ACLY: variants seen among roughly 807,000 people sequenced by gnomAD.
ACLY encodes the protein ATP-citrate synthase.
ACLY carries 41 observed loss-of-function variants against 133.0 expected under a neutral mutation model. The observed-to-expected ratio is 0.31, with a 90% CI of 0.24 to 0.40. The LOEUF (loss-of-function observed/expected upper bound fraction) is 0.40. Among genes scored for constraint, ACLY ranks in the 10% least tolerant of loss-of-function variants. ACLY has a pLI of 1.00. For missense variants in ACLY, 1,046 were observed against 1,453.8 expected (o/e 0.72, Z 4.56); for synonymous variants, 495 against 549.3 (o/e 0.90, Z 1.38).
chr17:41,924,536 C>T (rs1170943977), intron 1 of ACLY, among the ~76,000 whole-genome samples: 1 of 152,096 alleles, frequency 6.6e-6, no homozygotes. Flanking sequence ...ACAGGAGCTT[C>T]CAGCAAAGCC....
intron 14 of ACLY, among the ~76,000 whole-genome samples, chr17:41,896,109 C>G (rs1241884364): frequency 6.6e-6 from 1 of 152,214 alleles, no homozygotes; most frequent in East Asian, 1.9e-4. Context: ...TAAACTGGTC[C>G]CTGGAGCTTG....
chr17:41,918,992 G>C (rs1326166497), upstream of ACLY: 2 of 1,286,948 alleles, frequency 1.6e-6, no homozygotes, highest in East Asian at 5.6e-5. Flanking sequence ...TCCCGGCCCA[G>C]CCGGACTTTT....
In ACLY at chr17:41,872,185, G is replaced by C. The variant is rs2048614928; in HGVS notation, c.2643-3C>G. On this transcript the variant is annotated splice_polypyrimidine_tract_variant and splice_region_variant and intron_variant, in intron 23 of 28. Transcript: ENST00000352035. Reference sequence around the variant, plus strand: ...ACTGGCAAGAGTACTTAGGCAACCTGGAGTGGGGGGAACAAAGGCCAGGAG... The same window carrying C: ...ACTGGCAAGAGTACTTAGGCAACCTCGAGTGGGGGGAACAAAGGCCAGGAG... 1 of 1,612,394 alleles carries C rather than the reference G, an allele frequency of 6.2e-7. No individual in the cohort carries two copies. The highest frequency in any genetic ancestry group is 8.5e-7 in the Non-Finnish European group (1 of 1,179,690).
chr17:41,917,932 G>A (rs1598051198), intron 1 of ACLY, among the ~76,000 whole-genome samples: 1 of 152,324 alleles, frequency 6.6e-6, no homozygotes, highest in African/African-American at 2.4e-5. Context: ...ACAGAGGAAA[G>A]TTAAGGGTGG....
chr17:41,900,411 T>A (rs971726810), intron 11 of ACLY, among the ~76,000 whole-genome samples: 1 of 151,746 alleles, frequency 6.6e-6, no homozygotes, highest in African/African-American at 2.4e-5. Context: ...CCTATTCAAT[T>A]CAAACCTAAG....
chr17:41,875,761 T>C (rs1457775501), intron 22 of ACLY, among the ~76,000 whole-genome samples: 7 of 152,210 alleles, frequency 4.6e-5, no homozygotes, highest in Non-Finnish European at 8.8e-5. Flanking sequence ...GTGCCCAGGC[T>C]GGAGTGCAGT....
Position 41,892,417 on chromosome 17 carries a change from C to G in ACLY, c.1632G>C (p.Gly544=), listed in dbSNP as rs751690276. Residue 544 remains glycine, a synonymous_variant, in exon 16 of 29, where the codon GGG becomes GGC. Coordinates refer to ENST00000352035, the MANE Select transcript of ACLY (RefSeq NM_001096.3). ...AGACAGGGATCAGGATCTCTTTGTG[C>G]CCCCAGTAAAACTTCTGCTTGTGGT... ...TGDHKQKFYW[G]HKEILIPVFK... 6 of 1,613,514 alleles carry G rather than the reference C, an allele frequency of 3.7e-6. No homozygotes were observed. In the South Asian group the frequency reaches 6.6e-5, roughly 18 times the overall value.
At chr17:41,871,947 C>A (rs2048608691) in intron 24 of ACLY, 85 bp downstream of exon 24, 2 of 1,593,188 alleles carry the variant, frequency 1.3e-6, no homozygotes, top group Non-Finnish European at 1.7e-6. Flanking sequence ...CTCAGGGGCT[C>A]CTTCTAGGGC....
chr17:41,877,341 C>T (rs538340216), intron 22 of ACLY, among the ~76,000 whole-genome samples: 46 of 150,760 alleles, frequency 3.1e-4, no homozygotes, highest in Middle Eastern at 3.4e-3. Context: ...TGGGGTTTCA[C>T]CATGTTGGCC....
chr17:41,876,133 C>T (rs1314570992), intron 22 of ACLY, among the ~76,000 whole-genome samples: 3 of 151,900 alleles, frequency 2.0e-5, no homozygotes, highest in African/African-American at 7.3e-5. Context: ...AGCCCCTCCG[C>T]CCGGCAGCCG....
chr17:41,898,564 A>T, intron 12 of ACLY, 67 bp downstream of exon 12: 1 of 1,570,664 alleles, frequency 6.4e-7, no homozygotes, highest in South Asian at 1.2e-5. Context: ...CAGAGGAAGA[A>T]GACTGTATCC....
chr17:41,887,757 C>T (rs2049094495), intron 16 of ACLY, 54 bp from the exon 17 acceptor site: 4 of 1,470,880 alleles, frequency 2.7e-6, no homozygotes. Flanking sequence ...GAAAGGGCAA[C>T]AAGACAGCAC....
rs782236396 is a variant in ACLY at position 41,893,100 on chromosome 17, T to C, written c.1534A>G (p.Met512Val). 1 of 1,614,152 alleles carries C rather than the reference T, an allele frequency of 6.2e-7. No individual in the cohort carries two copies. Among genetic ancestry groups the C allele is most frequent in the South Asian group, 1.1e-5 (1 of 91,074 alleles). Reference sequence around the variant, plus strand: ...GAGCAGACATAGTCAAAGTCCAGCATGCCTTGCACGGCCCGGGTCTGCATG... The same window carrying C: ...GAGCAGACATAGTCAAAGTCCAGCACGCCTTGCACGGCCCGGGTCTGCATG... Reference protein sequence around the residue: ...WGMQTRAVQGMLDFDYVCSRD... With the variant: ...WGMQTRAVQGVLDFDYVCSRD... Residue 512 changes from methionine (M) to valine (V), a missense_variant, in exon 15 of 29, where the codon ATG becomes GTG. Met to Val is a conservative substitution (Grantham distance 21). This residue lies in a region of ACLY where 575 missense variants were observed against 804.2 expected (regional missense o/e 0.71). Coordinates refer to ENST00000352035, the MANE Select transcript of ACLY (RefSeq NM_001096.3).
intron 7 of ACLY, 139 bp downstream of exon 7, chr17:41,907,302 TA>T: frequency 2.9e-6 from 2 of 690,986 alleles, no homozygotes; most frequent in South Asian, 2.4e-5. Context: ...ATTGAGGTTT[TA>T]AGAAAATTAA....
intron 16 of ACLY, among the ~76,000 whole-genome samples, chr17:41,890,700 AT>A (rs202026553): frequency 6.7e-6 from 1 of 150,244 alleles, no homozygotes; most frequent in Non-Finnish European, 1.5e-5. Context: ...AAAAAAAAAA[AT>A]TTTTTTTAAT....
intron 26 of ACLY, 126 bp from the exon 27 acceptor site, chr17:41,869,251 G>T: frequency 1.1e-6 from 1 of 933,440 alleles, no homozygotes; most frequent in Non-Finnish European, 1.7e-6. Flanking sequence ...AGCCCCACTG[G>T]TCGACACTGT....
At chr17:41,880,791 C>G (rs966978739) in intron 20 of ACLY, among the ~76,000 whole-genome samples, 1 of 151,300 alleles carries the variant, frequency 6.6e-6, no homozygotes, top group African/African-American at 2.4e-5. Context: ...GCGTGAACCC[C>G]GGAGGTGGAG....
chr17:41,905,159 C>G (rs984905329), intron 9 of ACLY, among the ~76,000 whole-genome samples: 4 of 152,134 alleles, frequency 2.6e-5, no homozygotes, highest in Admixed American at 6.5e-5. Context: ...CACTGAGACT[C>G]ACAGAGGCCA....
At chr17:41,884,070 G>C (rs2048989085) in intron 19 of ACLY, 123 bp downstream of exon 19, 3 of 632,248 alleles carry the variant, frequency 4.7e-6, no homozygotes, top group Non-Finnish European at 8.4e-6. Flanking sequence ...CAGCATCTAG[G>C]GGATGGGATT....
Sources: allele counts gnomAD v4.1 joint callset (sites outside exome capture counted in the v4.1 genomes callset), GRCh38; gene constraint gnomAD v4.1.1; regional missense constraint gnomAD v4.1.1; transcripts MANE v1.5; gene names NCBI Gene and HGNC (gene_info 2026-07-23, HGNC 2026-07-21).